IKZF1: variants seen among roughly 807,000 people sequenced by gnomAD.
IKZF1 encodes IKAROS family zinc finger 1.
In IKZF1, 10 loss-of-function variants were observed where a neutral mutation model predicts 51.7. The observed-to-expected ratio is 0.19, with a 90% confidence interval of 0.12 to 0.33. The LOEUF is 0.33. Among genes scored for constraint, IKZF1 ranks in the 10% least tolerant of loss-of-function variants. The pLI, the probability that IKZF1 is intolerant of heterozygous loss-of-function variation, is 1.00. For synonymous variants in IKZF1, 280 were observed against 282.3 expected, an observed-to-expected ratio of 0.99 and a Z score of 0.08; for missense variants, 484 against 707.5, an observed-to-expected ratio of 0.68 and a Z score of 3.58.
chr7:50,354,675 C>A (rs1022746527), intron 3 of IKZF1, among the ~76,000 whole-genome samples: 9 of 151,992 alleles, frequency 5.9e-5, no homozygotes, highest in African/African-American at 2.2e-4. Flanking sequence ...CTTCCATTAC[C>A]CTCTCTAGCA....
chr7:50,372,685 A>G (rs1449569368), intron 3 of IKZF1, among the ~76,000 whole-genome samples: 1 of 152,078 alleles, frequency 6.6e-6, no homozygotes, highest in Non-Finnish European at 1.5e-5. Flanking sequence ...GATCATCCCT[A>G]CTGCTGTTCC....
At position 50,376,600 on chromosome 7, in the gene IKZF1, A is replaced by G. The variant is rs2153468969; in HGVS notation, c.228A>G (p.Glu76=). 6.2e-7 allele frequency: 1 copy of G among 1,613,986 alleles called. No individual in the cohort carries two copies. Among genetic ancestry groups the G allele is most frequent in the Non-Finnish European group, 8.5e-7 (1 of 1,179,892 alleles). The change falls in exon 4 of 8, where the codon GAA becomes GAG. Residue 76 remains glutamate, a synonymous_variant. Coordinates refer to ENST00000331340, the MANE Select transcript of IKZF1 (RefSeq NM_006060.6). This position sits in a 1 kb window ranked among gnomAD's most constrained non-coding sequence, Gnocchi z 4.5. ...GGCGTGCCTGTGAAATGAATGGGGA[A>G]GAATGTGCGGAGGATTTACGAATGC... is the stretch of plus-strand genomic sequence containing the variant. ...ENGRACEMNG[E]ECAEDLRMLD... is the part of the protein sequence containing the mutation.
At chr7:50,365,807 G>A (rs773177375) in intron 3 of IKZF1, among the ~76,000 whole-genome samples, 19 of 152,144 alleles carry the variant, frequency 1.2e-4, no homozygotes, top group African/African-American at 4.1e-4. Context: ...TCATTCTACC[G>A]TAAGACACAT....
At chr7:50,387,321 T>G in intron 5 of IKZF1, 24 bp from the exon 6 acceptor site, 2 of 1,609,476 alleles carry the variant, frequency 1.2e-6, no homozygotes, top group African/African-American at 1.3e-5. Flanking sequence ...ATTGGGGTCT[T>G]GAACTCAATT....
At chr7:50,315,657 C>T (rs753575035) in intron 1 of IKZF1, among the ~76,000 whole-genome samples, 51 of 152,304 alleles carry the variant, frequency 3.3e-4, no homozygotes, top group Non-Finnish European at 6.3e-4. Flanking sequence ...TAGAAAACTG[C>T]GGTACGTTTC....
chr7:50,390,602 A>G (rs1039935150), intron 6 of IKZF1, among the ~76,000 whole-genome samples: 3 of 152,246 alleles, frequency 2.0e-5, no homozygotes, highest in Admixed American at 1.3e-4. Flanking sequence ...TTGGAGAGGT[A>G]GAGAGGTCTG....
intron 3 of IKZF1, among the ~76,000 whole-genome samples, chr7:50,369,871 C>T (rs1247518847): frequency 6.6e-6 from 1 of 152,118 alleles, no homozygotes; most frequent in Non-Finnish European, 1.5e-5. Context: ...AAAGTATTTT[C>T]TAATAATATA....
chr7:50,399,757 A>C, intron 7 of IKZF1, 161 bp from the exon 8 acceptor site: 1 of 1,115,814 alleles, frequency 9.0e-7, no homozygotes, highest in Non-Finnish European at 1.2e-6. Context: ...ATGTGTCCGC[A>C]GGTGTGTGTG....
At chr7:50,397,687 T>C (rs1817067659) in intron 7 of IKZF1, among the ~76,000 whole-genome samples, 1 of 152,232 alleles carries the variant, frequency 6.6e-6, no homozygotes, top group African/African-American at 2.4e-5. Context: ...ACAAGACATT[T>C]AGCTGCTCAA....
chr7:50,340,657 C>G (rs1798865711), intron 3 of IKZF1, among the ~76,000 whole-genome samples: 1 of 152,222 alleles, frequency 6.6e-6, no homozygotes, highest in South Asian at 2.1e-4. Flanking sequence ...TTTGCAATAT[C>G]TCTGTGCTCT....
intron 4 of IKZF1, among the ~76,000 whole-genome samples, chr7:50,381,019 A>G (rs941538286): frequency 1.3e-5 from 2 of 152,140 alleles, no homozygotes; most frequent in Non-Finnish European, 2.9e-5. Flanking sequence ...AATACCAGAT[A>G]CCTCCTGGTT....
intron 4 of IKZF1, among the ~76,000 whole-genome samples, chr7:50,378,880 A>T (rs541537738): frequency 9.2e-5 from 14 of 152,370 alleles, no homozygotes; most frequent in African/African-American, 2.2e-4. Flanking sequence ...CACTTGCCTA[A>T]ATATAAAGGG....
In IKZF1 at chr7:50,310,891, G is replaced by T. The variant is rs62447183; in HGVS notation, c.-15+5969G>T. Among the ~76,000 whole-genome samples the T allele has an allele frequency of 5.5e-3, 843 of 152,310 alleles. 2 individuals carry two copies. The highest frequency in any genetic ancestry group is 9.7e-3 in the Non-Finnish European group (659 of 68,028). On this transcript the variant is annotated intron_variant, in intron 1 of 7. Coordinates refer to ENST00000331340, the MANE Select transcript of IKZF1 (RefSeq NM_006060.6). ...TGAGACACAGCTCATTTTGACTTCA[G>T]TGGAACCCCTCGAAGGTGGGGTGAT...
At chr7:50,340,391 T>G (rs1798805038) in intron 3 of IKZF1, among the ~76,000 whole-genome samples, 1 of 152,176 alleles carries the variant, frequency 6.6e-6, no homozygotes, top group South Asian at 2.1e-4. Context: ...CAGGAGATGA[T>G]TCTGGTGAAG....
chr7:50,319,740 G>A (rs943520309), intron 2 of IKZF1, among the ~76,000 whole-genome samples: 31 of 152,316 alleles, frequency 2.0e-4, no homozygotes, highest in African/African-American at 7.2e-4. Flanking sequence ...ATCCAGAGGC[G>A]TCAGCCCCAG....
At chr7:50,316,542 G>T (rs1449045421) in intron 1 of IKZF1, among the ~76,000 whole-genome samples, 1 of 152,220 alleles carries the variant, frequency 6.6e-6, no homozygotes, top group Non-Finnish European at 1.5e-5. Flanking sequence ...TGCTCGCTGT[G>T]GTGTGATCTG....
chr7:50,327,927 G>A (rs1333082654), intron 3 of IKZF1, 170 bp downstream of exon 3: 1 of 764,406 alleles, frequency 1.3e-6, no homozygotes, highest in South Asian at 2.0e-5. Flanking sequence ...TGGTGTGTGG[G>A]AGGATGGACA....
In IKZF1 at chr7:50,310,236, A is replaced by G. The variant is rs1270842531; in HGVS notation, c.-15+5314A>G. 3.3e-5 allele frequency among the ~76,000 whole-genome samples: 5 copies of G among 152,244 alleles called. No homozygotes were observed. In the East Asian group the frequency reaches 9.6e-4, roughly 29 times the overall value. ...AGGTTGTGTATGTTTGCTTGAATTT[A>G]CAGAATTTTCACTTTAAGAGCAGAC... On this transcript the variant is annotated intron_variant, in intron 1 of 7. Coordinates refer to ENST00000331340, the MANE Select transcript of IKZF1 (RefSeq NM_006060.6).
At chr7:50,348,713 C>T (rs957043817) in intron 3 of IKZF1, among the ~76,000 whole-genome samples, 2 of 152,208 alleles carry the variant, frequency 1.3e-5, no homozygotes, top group African/African-American at 4.8e-5. Flanking sequence ...AACAAGGCAG[C>T]ACTTGAGATG....
Sources: gnomAD v4.1 joint callset for allele counts (sites outside exome capture counted in the v4.1 genomes callset) on GRCh38, gnomAD v4.1.1 for gene constraint, Gnocchi (gnomAD v3.1) non-coding constraint, MANE v1.5 for transcripts, NCBI Gene and HGNC (gene_info 2026-07-23, HGNC 2026-07-21) for gene names.